Variants in PRKN observed in about 807,000 individuals in gnomAD.
PRKN encodes parkin RBR E3 ubiquitin protein ligase, also known as E3 ubiquitin-protein ligase parkin.
Under a neutral mutation model 59.5 loss-of-function variants are expected in PRKN, and 56 were observed. The observed-to-expected ratio is 0.94, with a 90% CI of 0.76 to 1.18. The LOEUF (loss-of-function observed/expected upper bound fraction) is 1.18, where lower values mean the gene tolerates loss of function less well. PRKN is among the 50% of genes most tolerant of loss of function. The pLI is 0.00. For missense variants in PRKN, 657 were observed against 596.4 expected (o/e 1.10, Z -1.06); for synonymous variants, 250 against 222.1 (o/e 1.13, Z -1.12).
intron 9 of PRKN, among the ~76,000 whole-genome samples, chr6:161,430,494 G>A (rs1272193187): frequency 6.6e-6 from 1 of 152,162 alleles, no homozygotes; most frequent in African/African-American, 2.4e-5. Context: ...AAAATGTGGT[G>A]AGAGCAAACA....
intron 6 of PRKN, among the ~76,000 whole-genome samples, chr6:161,860,660 G>A (rs1449698272): frequency 6.6e-6 from 1 of 152,058 alleles, no homozygotes; most frequent in Non-Finnish European, 1.5e-5. Context: ...TGTCAGGTGG[G>A]TAGATTGCAA....
intron 2 of PRKN, among the ~76,000 whole-genome samples, chr6:162,403,870 A>G (rs915290688): frequency 1.3e-5 from 2 of 152,164 alleles, no homozygotes; most frequent in Non-Finnish European, 2.9e-5. Flanking sequence ...TGGCTCACTT[A>G]TCATCATTAA....
At chr6:162,161,902 C>T (rs768670514) in intron 4 of PRKN, among the ~76,000 whole-genome samples, 1 of 152,114 alleles carries the variant, frequency 6.6e-6, no homozygotes, top group Non-Finnish European at 1.5e-5. Flanking sequence ...TTGTTAATCT[C>T]TTACCGTGCC....
At chr6:162,313,281 C>T (rs1266240053) in intron 2 of PRKN, among the ~76,000 whole-genome samples, 18 of 152,012 alleles carry the variant, frequency 1.2e-4, no homozygotes, top group Admixed American at 1.2e-3. Flanking sequence ...CCCCCTTAAC[C>T]CAGTCCCTAG....
At chr6:162,035,681 G>T (rs1175134144) in intron 5 of PRKN, among the ~76,000 whole-genome samples, 1 of 152,102 alleles carries the variant, frequency 6.6e-6, no homozygotes, top group African/African-American at 2.4e-5. Context: ...ATGTTAGAGG[G>T]ATCAAAATAA....
chr6:162,006,976 A>G lies in PRKN; in HGVS notation c.619-33559T>C, dbSNP rs181502145. ...GTATGGCTTCATTATCTATATATAC[A>G]GTTAAAAAATTATATATACAAGTAA... On this transcript the variant is annotated intron_variant, in intron 5 of 11. Transcript: ENST00000366898. 2.6e-5 allele frequency among the ~76,000 whole-genome samples: 4 copies of G among 152,286 alleles called. No homozygotes were observed. The East Asian group carries it at 7.7e-4, about 29-fold the overall frequency.
At chr6:161,750,263 T>G (rs1467361779) in intron 7 of PRKN, among the ~76,000 whole-genome samples, 1 of 152,162 alleles carries the variant, frequency 6.6e-6, no homozygotes, top group Non-Finnish European at 1.5e-5. Flanking sequence ...TAGGCTGTAA[T>G]TTAATTGACT....
chr6:162,445,689 TAAAAAAAAAAAAAAAA>T (rs71004091), intron 1 of PRKN, among the ~76,000 whole-genome samples: 12 of 28,746 alleles, frequency 4.2e-4, no homozygotes, highest in East Asian at 2.7e-3. Flanking sequence ...AGACCTTGTC[TAAAAAAAAAAAAAAAA>T]AAAAAAAAAA....
At chr6:161,998,371 C>T (rs1781923550) in intron 5 of PRKN, among the ~76,000 whole-genome samples, 1 of 152,070 alleles carries the variant, frequency 6.6e-6, no homozygotes, top group Non-Finnish European at 1.5e-5. Context: ...TCATGTGTTG[C>T]TAAATATTTT....
chr6:161,545,494 C>T lies in PRKN; in HGVS notation c.1083+3360G>A. 8.1e-7 allele frequency: 1 copy of T among 1,237,770 alleles called. No individual in the cohort carries two copies. Among genetic ancestry groups the T allele is most frequent in the Non-Finnish European group, 1.2e-6 (1 of 841,736 alleles). 76.7% of individuals were successfully genotyped at this position (1,237,770 alleles called of 1,614,324 possible). A position where few individuals can be genotyped will look rare whatever the true frequency, so the allele number is the denominator to read the frequency against. On this transcript the variant is annotated intron_variant, in intron 9 of 11. Coordinates refer to ENST00000366898, the MANE Select transcript of PRKN (RefSeq NM_004562.3). The surrounding 1 kb of genome is among the most constrained non-coding windows in gnomAD (Gnocchi z 4.1). ...CTTCTTCTAACTTTTATGTATTTGG[C>T]CATGTTCTACTTCTGAAATGACATA... is the stretch of plus-strand genomic sequence containing the variant.
intron 9 of PRKN, among the ~76,000 whole-genome samples, chr6:161,508,901 A>G (rs891274985): frequency 6.6e-6 from 1 of 151,768 alleles, no homozygotes; most frequent in African/African-American, 2.4e-5. Flanking sequence ...CTGGAGTGCA[A>G]TGGTGCGCTC....
At chr6:162,708,232 A>T (rs1446426317) in intron 1 of PRKN, among the ~76,000 whole-genome samples, 1 of 152,316 alleles carries the variant, frequency 6.6e-6, no homozygotes, top group Non-Finnish European at 1.5e-5. Flanking sequence ...AAACTGAATG[A>T]ATGTTGATGA....
In PRKN at chr6:161,581,753, G is replaced by T. The variant is rs1781348979; in HGVS notation, c.872-12337C>A. 6.6e-6 allele frequency among the ~76,000 whole-genome samples: 1 copy of T among 152,196 alleles called. No homozygotes were observed. The highest frequency in any genetic ancestry group is 2.4e-5 in the African/African-American group (1 of 41,452). ...TGAGATTCTGTTTGAGGACTTAAAG[G>T]TGAGGGATGGGAAAGTGGTCCTGCC... is the stretch of plus-strand genomic sequence containing the variant. On this transcript the variant is annotated intron_variant, in intron 7 of 11. Transcript: ENST00000366898. The surrounding 1 kb of genome is among the most constrained non-coding windows in gnomAD (Gnocchi z 4.5).
intron 7 of PRKN, among the ~76,000 whole-genome samples, chr6:161,739,461 C>T (rs1356206089): frequency 6.6e-6 from 1 of 151,778 alleles, no homozygotes; most frequent in Non-Finnish European, 1.5e-5. Context: ...TTTTAAGTGC[C>T]TTTTATTCAT....
rs990487625 is a variant in PRKN at position 161,548,127 on chromosome 6, C to T, written c.1083+727G>A. 6.6e-6 allele frequency among the ~76,000 whole-genome samples: 1 copy of T among 152,242 alleles called. No individual in the cohort carries two copies. The highest frequency in any genetic ancestry group is 6.5e-5 in the Admixed American group (1 of 15,288). ...AGACTTTTATATGCACATACACTTT[C>T]TCACTTTTCCAGGCTGCATGAAATT... is the stretch of plus-strand genomic sequence containing the variant. On this transcript the variant is annotated intron_variant, in intron 9 of 11. Coordinates refer to ENST00000366898, the MANE Select transcript of PRKN (RefSeq NM_004562.3). This position sits in a 1 kb window ranked among gnomAD's most constrained non-coding sequence, Gnocchi z 4.2.
At position 162,259,275 on chromosome 6, in the gene PRKN, C is replaced by T. The variant is rs925894604; in HGVS notation, c.412+3250G>A. Among the ~76,000 whole-genome samples the T allele has an allele frequency of 5.3e-4, 80 of 152,252 alleles. 2 individuals carry two copies. The highest frequency in any genetic ancestry group is 7.2e-4 in the Non-Finnish European group (49 of 68,016). ...CACCGACCTGCCTCTGTTCTCCCAC[C>T]CAGCGTCCGATTGTTCCGTGAGAAC... On this transcript the variant is annotated intron_variant, in intron 3 of 11. Coordinates refer to ENST00000366898, the MANE Select transcript of PRKN (RefSeq NM_004562.3).
At position 161,550,299 on chromosome 6, in the gene PRKN, C is replaced by G. The variant is rs868666709; in HGVS notation, c.934-1296G>C. Among the ~76,000 whole-genome samples the G allele has an allele frequency of 4.6e-5, 7 of 152,144 alleles. No individual in the cohort carries two copies. The highest frequency in any genetic ancestry group is 1.7e-4 in the African/African-American group (7 of 41,418). On this transcript the variant is annotated intron_variant, in intron 8 of 11. Coordinates refer to ENST00000366898, the MANE Select transcript of PRKN (RefSeq NM_004562.3). The surrounding 1 kb of genome is among the most constrained non-coding windows in gnomAD (Gnocchi z 4.0). The stretch of plus-strand genomic sequence containing the variant: ...GTTCCCTGACAGCTGCTTTCAGAAC[C>G]CTGGGTGTTATTCTGGAAGATACCA...
chr6:161,892,428 T>G (rs75528155), intron 6 of PRKN, among the ~76,000 whole-genome samples: 13,240 of 150,790 alleles, frequency 0.088, 1,073 homozygotes, highest in African/African-American at 0.21. Context: ...ATAAGATTAG[T>G]TGGGCATGGT....
intron 7 of PRKN, among the ~76,000 whole-genome samples, chr6:161,739,318 G>A (rs1172928662): frequency 6.6e-6 from 1 of 152,122 alleles, no homozygotes; most frequent in Non-Finnish European, 1.5e-5. Flanking sequence ...TGAGGTGGGA[G>A]AATCGCTGGA....
Sources: gnomAD v4.1 joint callset for allele counts (sites outside exome capture counted in the v4.1 genomes callset) on GRCh38, gnomAD v4.1.1 for gene constraint, Gnocchi (gnomAD v3.1) non-coding constraint, MANE v1.5 for transcripts, NCBI Gene and HGNC (gene_info 2026-07-23, HGNC 2026-07-21) for gene names.